The following OR10J1 variants were observed in gnomAD, a reference collection of about 807,000 sequenced individuals.
OR10J1 encodes olfactory receptor family 10 subfamily J member 1, also known as olfactory receptor 10J1.
For synonymous variants in OR10J1, 202 were observed against 143.8 expected (o/e 1.40, Z -2.89); for missense variants, 474 against 376.6 (o/e 1.26, Z -2.14).
At chr1:159,439,431 C>T (rs1181847447), upstream of OR10J1, among the ~76,000 whole-genome samples, 1 of 151,980 alleles carries the variant, frequency 6.6e-6, no homozygotes, top group African/African-American at 2.4e-5. Context: ...TTTATGAAGG[C>T]CTGAAAATGT....
At chr1:159,408,588 A>C in the OR10J1 span, among the ~76,000 whole-genome samples, 4 of 152,070 alleles carry the variant, frequency 2.6e-5, no homozygotes, top group East Asian at 5.8e-4. Context: ...CACATTGTGC[A>C]CCTGTACCCT....
At chr1:159,425,350 C>G in the OR10J1 span, among the ~76,000 whole-genome samples, 1 of 152,080 alleles carries the variant, frequency 6.6e-6, no homozygotes, top group South Asian at 2.1e-4. Flanking sequence ...AAAGAACAAT[C>G]AAATTCAGAT....
the OR10J1 span, among the ~76,000 whole-genome samples, chr1:159,432,006 C>T: frequency 6.6e-6 from 1 of 152,172 alleles, no homozygotes; most frequent in Non-Finnish European, 1.5e-5. Context: ...CATCTGTCCC[C>T]CAGTCTCAGG....
At chr1:159,432,229 T>C in the OR10J1 span, 1 of 400,918 alleles carries the variant, frequency 2.5e-6, no homozygotes, top group Non-Finnish European at 4.4e-6. Flanking sequence ...TTCATGGCTG[T>C]GACAGAGTTT....
chr1:159,423,446 A>G, the OR10J1 span, among the ~76,000 whole-genome samples: 1 of 152,344 alleles, frequency 6.6e-6, no homozygotes, highest in Admixed American at 6.5e-5. Flanking sequence ...AGACAGAGAC[A>G]GTGTCTCCCT....
the OR10J1 span, among the ~76,000 whole-genome samples, chr1:159,430,675 G>GCGCA: frequency 7.4e-5 from 11 of 149,266 alleles, no homozygotes; most frequent in South Asian, 8.4e-4. Context: ...GTGTGCGCGC[G>GCGCA]CGCACATGTT....
At chr1:159,399,995 G>A in the OR10J1 span, among the ~76,000 whole-genome samples, 1 of 151,964 alleles carries the variant, frequency 6.6e-6, no homozygotes, top group South Asian at 2.1e-4. Flanking sequence ...TAAGCCTCAT[G>A]TAACCTCAAA....
the OR10J1 span, among the ~76,000 whole-genome samples, chr1:159,410,130 G>A: frequency 6.6e-6 from 1 of 152,136 alleles, no homozygotes; most frequent in African/African-American, 2.4e-5. Flanking sequence ...TTGCATCAAT[G>A]TTCATCAAGG....
the OR10J1 span, chr1:159,406,190 T>C: frequency 5.8e-6 from 3 of 515,142 alleles, no homozygotes; most frequent in Admixed American, 6.0e-5. Flanking sequence ...AAGAAGTACA[T>C]GGGGGTGTGG....
In OR10J1 at chr1:159,439,859, A is replaced by G. The variant is rs200924583; in HGVS notation, c.68A>G (p.Gln23Arg). Residue 23 changes from glutamine (Q) to arginine (R), a missense_variant, in exon 1 of 1, where the codon CAG becomes CGG. By Grantham distance (43) the Gln-to-Arg change is conservative (BLOSUM62 1). Coordinates refer to ENST00000423932, the MANE Select transcript of OR10J1 (RefSeq NM_012351.3). ...CAAGGTTTCTCTAGCTTCCATGAGC[A>G]GCAGATCACCCTTTTTGGCGTGTTC... ...VFQGFSSFHE[Q>R]QITLFGVFLA... is the part of the protein sequence containing the mutation. 2.0e-5 allele frequency: 32 copies of G among 1,614,212 alleles called. No individual in the cohort carries two copies. In the African/African-American group the frequency reaches 4.0e-4, roughly 20 times the overall value.
the OR10J1 span, among the ~76,000 whole-genome samples, chr1:159,399,570 CAAAAAAAA>C: frequency 8.9e-5 from 5 of 56,120 alleles, no homozygotes; most frequent in East Asian, 4.8e-4. Context: ...GATTCTGTCT[CAAAAAAAA>C]AAAAAAAAAA....
chr1:159,414,645 T>C, the OR10J1 span, among the ~76,000 whole-genome samples: 4 of 152,152 alleles, frequency 2.6e-5, no homozygotes, highest in African/African-American at 7.2e-5. Flanking sequence ...GTTCTATTTT[T>C]AGCTTTTGAG....
the OR10J1 span, among the ~76,000 whole-genome samples, chr1:159,415,982 T>C: frequency 1.3e-5 from 2 of 152,028 alleles, no homozygotes; most frequent in Admixed American, 1.3e-4. Context: ...AAGAATTCAC[T>C]AGGTCACTAT....
the OR10J1 span, among the ~76,000 whole-genome samples, chr1:159,399,591 AAAAG>A: frequency 6.6e-6 from 1 of 150,658 alleles, no homozygotes; most frequent in Admixed American, 6.6e-5. Flanking sequence ...AAAAAAAAAA[AAAAG>A]AAAGAAATGC....
chr1:159,417,055 G>A, the OR10J1 span, among the ~76,000 whole-genome samples: 88 of 151,150 alleles, frequency 5.8e-4, no homozygotes, highest in African/African-American at 2.1e-3. Context: ...TTGTTTTTTA[G>A]GTCTCTATTT....
At chr1:159,420,553 T>C in the OR10J1 span, among the ~76,000 whole-genome samples, 2 of 152,136 alleles carry the variant, frequency 1.3e-5, no homozygotes, top group African/African-American at 4.8e-5. Context: ...CTACCAGGCA[T>C]AGGACTCCCA....
At chr1:159,434,480 CA>C (rs1655679966), upstream of OR10J1, among the ~76,000 whole-genome samples, 2 of 152,078 alleles carry the variant, frequency 1.3e-5, no homozygotes, top group African/African-American at 4.8e-5. Context: ...AGCACAACCC[CA>C]AAGAGGAAAA....
chr1:159,418,508 A>C, the OR10J1 span, among the ~76,000 whole-genome samples: 3 of 152,334 alleles, frequency 2.0e-5, no homozygotes, highest in Admixed American at 2.0e-4. Flanking sequence ...AACAGAAGTC[A>C]AGAATCGAGG....
chr1:159,440,553 C>T lies in OR10J1; in HGVS notation c.762C>T (p.Ala254=). The stretch of plus-strand genomic sequence containing the variant: ...TGGTCATTGTCCACTACAGCTGTGC[C>T]TCCATTGCCTACCTCAAGCCCAAGT... ...LTVVIVHYSC[A]SIAYLKPKSE... The change falls in exon 1 of 1, where the codon GCC becomes GCT. Residue 254 remains alanine, a synonymous_variant. Transcript: ENST00000423932. The T allele has an allele frequency of 6.2e-7, 1 of 1,614,056 alleles. No individual in the cohort carries two copies. The highest frequency in any genetic ancestry group is 8.5e-7 in the Non-Finnish European group (1 of 1,179,988).
Sources: allele counts gnomAD v4.1 joint callset (sites outside exome capture counted in the v4.1 genomes callset), GRCh38; gene constraint gnomAD v4.1.1; transcripts MANE v1.5; gene names NCBI Gene and HGNC (gene_info 2026-07-23, HGNC 2026-07-21).